The following CBLN2 variants were observed in gnomAD, a reference collection of about 807,000 sequenced individuals.
CBLN2 encodes cerebellin 2 precursor.
Under a neutral mutation model 15.0 loss-of-function variants are expected in CBLN2, and 7 were observed. That is an observed-to-expected ratio of 0.47 (90% CI 0.27 to 0.88). The LOEUF (loss-of-function observed/expected upper bound fraction) is 0.88, where lower values mean the gene tolerates loss of function less well. Among genes scored for constraint, CBLN2 ranks in the 40% least tolerant of loss-of-function variants. The probability of loss-of-function intolerance (pLI) is 0.14; values close to 1 mark genes in which losing one functional copy is unlikely to be tolerated. For missense variants in CBLN2, 242 were observed against 304.5 expected (o/e 0.79, Z 1.53); for synonymous variants, 149 against 135.2 (o/e 1.10, Z -0.71).
chr18:72,613,378 T>C (rs2069636326), intron 1 of CBLN2, among the ~76,000 whole-genome samples: 1 of 152,324 alleles, frequency 6.6e-6, no homozygotes, highest in Admixed American at 6.5e-5. Context: ...GATTGAAGTG[T>C]GCCACTTACT....
intron 1 of CBLN2, among the ~76,000 whole-genome samples, chr18:72,611,644 C>T (rs1393632070): frequency 1.3e-5 from 2 of 152,056 alleles, no homozygotes; most frequent in African/African-American, 4.8e-5. Context: ...GGATATTAGA[C>T]CTTTGTTGGA....
chr18:72,601,739 G>A (rs1235792945), intron 1 of CBLN2, among the ~76,000 whole-genome samples: 1 of 152,086 alleles, frequency 6.6e-6, no homozygotes, highest in Non-Finnish European at 1.5e-5. Context: ...AACAATCCCA[G>A]GCCTCTCCTG....
chr18:72,612,788 T>C (rs980947212), intron 1 of CBLN2, among the ~76,000 whole-genome samples: 3 of 152,196 alleles, frequency 2.0e-5, no homozygotes, highest in Admixed American at 2.0e-4. Flanking sequence ...TGTTTTATAT[T>C]TTATGGATGT....
At chr18:72,592,593 C>T (rs1290120880) in intron 1 of CBLN2, among the ~76,000 whole-genome samples, 1 of 151,982 alleles carries the variant, frequency 6.6e-6, no homozygotes, top group Non-Finnish European at 1.5e-5. Context: ...AGATTTTCTC[C>T]AATTTTTTCT....
intron 1 of CBLN2, among the ~76,000 whole-genome samples, chr18:72,588,076 A>G (rs2144926682): frequency 6.6e-6 from 1 of 152,330 alleles, no homozygotes; most frequent in East Asian, 1.9e-4. Context: ...ATTTAGCTAT[A>G]ACCAAATGTA....
intron 1 of CBLN2, among the ~76,000 whole-genome samples, chr18:72,606,108 A>G (rs760866574): frequency 2.0e-4 from 30 of 152,228 alleles, no homozygotes; most frequent in Admixed American, 3.3e-4. Context: ...TTCCCAAAGT[A>G]GAAAGCTTTT....
At chr18:72,581,924 T>C (rs1385591836) in intron 1 of CBLN2, among the ~76,000 whole-genome samples, 1 of 152,220 alleles carries the variant, frequency 6.6e-6, no homozygotes, top group African/African-American at 2.4e-5. Flanking sequence ...AGACTTCTTC[T>C]GTCCAATATG....
intron 1 of CBLN2, among the ~76,000 whole-genome samples, chr18:72,577,499 A>T (rs2069375737): frequency 6.6e-6 from 1 of 152,238 alleles, no homozygotes. Flanking sequence ...ACAGCAAAGC[A>T]TCCCATTTGA....
chr18:72,585,009 C>T (rs553691049), intron 1 of CBLN2, among the ~76,000 whole-genome samples: 7 of 152,282 alleles, frequency 4.6e-5, no homozygotes, highest in South Asian at 2.1e-4. Flanking sequence ...CACACCAGCT[C>T]GCTGCGATGC....
intron 1 of CBLN2, among the ~76,000 whole-genome samples, chr18:72,575,751 T>C (rs1462721549): frequency 6.6e-6 from 1 of 151,798 alleles, no homozygotes. Flanking sequence ...GGGCCAGGGG[T>C]AGGACTTGGG....
At chr18:72,538,545 C>T (rs2069085639) in intron 4 of CBLN2, 108 bp downstream of exon 4, 7 of 1,506,640 alleles carry the variant, frequency 4.6e-6, no homozygotes, top group Non-Finnish European at 9.1e-7. Context: ...ACCCCCTGGA[C>T]AGACCAGTAC....
At chr18:72,633,579 A>G (rs2069791310) in intron 1 of CBLN2, among the ~76,000 whole-genome samples, 1 of 152,170 alleles carries the variant, frequency 6.6e-6, no homozygotes, top group Non-Finnish European at 1.5e-5. Context: ...TCCTGAATAC[A>G]CAACTGAAAT....
chr18:72,580,011 A>T (rs2069392611), intron 1 of CBLN2, among the ~76,000 whole-genome samples: 1 of 152,070 alleles, frequency 6.6e-6, no homozygotes, highest in African/African-American at 2.4e-5. Context: ...TCTGAAAAGA[A>T]ATATGAAAAC....
intron 1 of CBLN2, among the ~76,000 whole-genome samples, chr18:72,577,940 T>C (rs1354602423): frequency 6.6e-6 from 1 of 152,222 alleles, no homozygotes; most frequent in Non-Finnish European, 1.5e-5. Flanking sequence ...CGATGAATAA[T>C]GATATGTTAT....
intron 1 of CBLN2, among the ~76,000 whole-genome samples, chr18:72,560,139 T>C (rs1415949074): frequency 6.6e-6 from 1 of 152,184 alleles, no homozygotes; most frequent in Admixed American, 6.5e-5. Context: ...CCATTGTTCT[T>C]TGTAAGCACA....
At chr18:72,634,118 T>C (rs2144982781) in intron 1 of CBLN2, among the ~76,000 whole-genome samples, 1 of 152,128 alleles carries the variant, frequency 6.6e-6, no homozygotes, top group South Asian at 2.1e-4. Flanking sequence ...AGGAAATGTT[T>C]CTATGGCATG....
chr18:72,621,808 A>G (rs1219562786), intron 1 of CBLN2, among the ~76,000 whole-genome samples: 4 of 152,206 alleles, frequency 2.6e-5, no homozygotes, highest in African/African-American at 9.6e-5. Flanking sequence ...TAGGTTTCCA[A>G]TGGTATCATT....
At chr18:72,596,734 T>C (rs1204689453) in intron 1 of CBLN2, among the ~76,000 whole-genome samples, 3 of 152,328 alleles carry the variant, frequency 2.0e-5, no homozygotes, top group Non-Finnish European at 2.9e-5. Flanking sequence ...TTTAAGTATG[T>C]CATGACACTC....
At chr18:72,606,474 T>C (rs1156565576) in intron 1 of CBLN2, among the ~76,000 whole-genome samples, 1 of 152,338 alleles carries the variant, frequency 6.6e-6, no homozygotes, top group Non-Finnish European at 1.5e-5. Flanking sequence ...GGCATGTCTG[T>C]GTTATCTGTA....
Sources: gnomAD v4.1 joint callset for allele counts (sites outside exome capture counted in the v4.1 genomes callset) on GRCh38, gnomAD v4.1.1 for gene constraint, MANE v1.5 for transcripts, NCBI Gene and HGNC (gene_info 2026-07-23, HGNC 2026-07-21) for gene names.